Variants in KLC1 observed in about 807,000 individuals in gnomAD.
The protein encoded by KLC1 is kinesin light chain 1.
KLC1 carries 30 observed loss-of-function variants against 84.2 expected under a neutral mutation model. The ratio of observed to expected loss-of-function variants is 0.36; its 90% CI spans 0.27 to 0.48. The LOEUF is 0.48. Among genes scored for constraint, KLC1 ranks in the 20% least tolerant of loss-of-function variants. The pLI is 0.99. For synonymous variants in KLC1, 289 were observed against 293.3 expected, an observed-to-expected ratio of 0.99 and a Z score of 0.15; for missense variants, 499 against 805.4, an observed-to-expected ratio of 0.62 and a Z score of 4.60.
At chr14:103,689,969 C>G (rs987389509) in intron 14 of KLC1, among the ~76,000 whole-genome samples, 2 of 152,100 alleles carry the variant, frequency 1.3e-5, no homozygotes, top group Non-Finnish European at 2.9e-5. Context: ...CACTTGAGAT[C>G]AGGAGTTTGA....
intron 5 of KLC1, among the ~76,000 whole-genome samples, chr14:103,663,611 C>T (rs1266634539): frequency 1.3e-5 from 2 of 152,180 alleles, no homozygotes; most frequent in Non-Finnish European, 2.9e-5. Context: ...TGCGCTGTGC[C>T]TCCTTTTGGA....
chr14:103,629,932 C>T (rs2076545722), intron 1 of KLC1, among the ~76,000 whole-genome samples: 1 of 152,164 alleles, frequency 6.6e-6, no homozygotes, highest in African/African-American at 2.4e-5. Flanking sequence ...TCGCGGCGGG[C>T]GGGGAGGCCG....
In KLC1 at chr14:103,692,338, ATGTCCG is replaced by A; in HGVS notation, c.1782-14_1782-9del. 1 of 1,536,192 alleles carries A rather than the reference ATGTCCG, an allele frequency of 6.5e-7. No individual in the cohort carries two copies. Among genetic ancestry groups the A allele is most frequent in the Non-Finnish European group, 8.7e-7 (1 of 1,146,660 alleles). On this transcript the variant is annotated splice_polypyrimidine_tract_variant and intron_variant, in intron 14 of 16. Transcript: ENST00000334553. Reference sequence around the variant, plus strand: ...CGATGTGCTGATCGTTTGTCCTTGCATGTCCGTGTCCGGGTTGCAGCATGAAGCGTG... The same window carrying A: ...CGATGTGCTGATCGTTTGTCCTTGCATGTCCGGGTTGCAGCATGAAGCGTG...
chr14:103,654,375 G>A (rs1000480715), intron 1 of KLC1, among the ~76,000 whole-genome samples, 189 bp from the exon 2 acceptor site: 1 of 152,156 alleles, frequency 6.6e-6, no homozygotes, highest in African/African-American at 2.4e-5. Flanking sequence ...AACCAGAAAA[G>A]TAATTAAATG....
intron 2 of KLC1, among the ~76,000 whole-genome samples, chr14:103,655,529 C>G (rs2078766692): frequency 6.6e-6 from 1 of 150,506 alleles, no homozygotes; most frequent in Non-Finnish European, 1.5e-5. Flanking sequence ...CTTGAACTCC[C>G]AACCTCACGT....
intron 14 of KLC1, 144 bp from the exon 15 acceptor site, chr14:103,692,215 C>T: frequency 1.5e-6 from 1 of 665,966 alleles, no homozygotes; most frequent in Non-Finnish European, 2.6e-6. Flanking sequence ...ATAGGACTCC[C>T]CGGTTACCCA....
At chr14:103,701,050 C>T (rs1465558852) in intron 16 of KLC1, 151 bp from the exon 17 acceptor site, 2 of 947,648 alleles carry the variant, frequency 2.1e-6, no homozygotes, top group Non-Finnish European at 3.2e-6. Context: ...CCCCATGACC[C>T]CTCGGCCCCA....
At chr14:103,658,985 C>CT (rs1451912413) in intron 3 of KLC1, among the ~76,000 whole-genome samples, 13 of 142,546 alleles carry the variant, frequency 9.1e-5, no homozygotes, top group African/African-American at 1.6e-4. Context: ...TTTTTTTTTA[C>CT]TTTTTTTTTG....
intron 15 of KLC1, chr14:103,698,999 A>T: frequency 6.3e-7 from 1 of 1,592,882 alleles, no homozygotes; most frequent in Non-Finnish European, 8.5e-7. Flanking sequence ...GGGCTGGGGA[A>T]ACACGTTCGT....
At chr14:103,680,326 T>C (rs1008317936) in intron 13 of KLC1, among the ~76,000 whole-genome samples, 2 of 151,888 alleles carry the variant, frequency 1.3e-5, no homozygotes, top group Non-Finnish European at 2.9e-5. Context: ...ATTTTACTTT[T>C]GTCAGGGAGA....
At chr14:103,652,795 TTTG>T (rs1232438052) in intron 1 of KLC1, among the ~76,000 whole-genome samples, 1 of 152,078 alleles carries the variant, frequency 6.6e-6, no homozygotes, top group Non-Finnish European at 1.5e-5. Flanking sequence ...CCGGTCGGCG[TTTG>T]TTGTTTTGTT....
chr14:103,686,010 C>T, intron 13 of KLC1: 2 of 1,087,162 alleles, frequency 1.8e-6, no homozygotes, highest in Non-Finnish European at 2.2e-6. Context: ...CGTAACTAAG[C>T]CTTACAGCAA....
chr14:103,658,454 T>TTTA (rs1181178814), intron 3 of KLC1, among the ~76,000 whole-genome samples: 1 of 132,654 alleles, frequency 7.5e-6, no homozygotes, highest in Non-Finnish European at 1.6e-5. Flanking sequence ...TTTTTTTTTT[T>TTTA]AGTAGAGATG....
intron 1 of KLC1, among the ~76,000 whole-genome samples, chr14:103,641,822 A>T (rs1277952942): frequency 1.3e-5 from 2 of 152,120 alleles, no homozygotes; most frequent in Non-Finnish European, 2.9e-5. Flanking sequence ...GGGTTTTACC[A>T]TGTTGCCCAG....
chr14:103,690,968 C>T lies in KLC1; in HGVS notation c.1782-1391C>T, dbSNP rs988245451. Among the ~76,000 whole-genome samples the T allele has an allele frequency of 4.6e-5, 7 of 152,000 alleles. No individual in the cohort carries two copies. The East Asian group carries it at 1.2e-3, about 25-fold the overall frequency. ...ATTTTACTAACAATAAAGTTGATTT[C>T]CCAGCTTTTAATATAGAAAGATAAA... On this transcript the variant is annotated intron_variant, in intron 14 of 16. Transcript: ENST00000334553.
intron 11 of KLC1, among the ~76,000 whole-genome samples, 173 bp downstream of exon 11, chr14:103,675,929 T>C (rs1022190225): frequency 6.6e-6 from 1 of 152,238 alleles, no homozygotes; most frequent in African/African-American, 2.4e-5. Context: ...TGAGATCACT[T>C]ACATGTATAA....
Position 103,699,345 on chromosome 14 carries a change from A to C in KLC1, c.1849-1310A>C, listed in dbSNP as rs3212112. On this transcript the variant is annotated intron_variant, in intron 15 of 16. Transcript: ENST00000334553. Reference sequence around the variant, plus strand: ...CTAAAAATACGAGCTCAGGGGTGCAACCCTGCCTTGGTGCTCACCTGGTTG... The same window carrying C: ...CTAAAAATACGAGCTCAGGGGTGCACCCCTGCCTTGGTGCTCACCTGGTTG... The C allele has an allele frequency of 4.8e-3, 7,623 of 1,585,862 alleles. 236 individuals carry two copies. The African/African-American group carries it at 0.073, about 15-fold the overall frequency.
At chr14:103,655,874 G>T (rs1469521082) in intron 2 of KLC1, among the ~76,000 whole-genome samples, 1 of 152,194 alleles carries the variant, frequency 6.6e-6, no homozygotes, top group Non-Finnish European at 1.5e-5. Context: ...ATCCAAAATA[G>T]TGGATACTGC....
At chr14:103,637,403 A>C (rs917533977) in intron 1 of KLC1, among the ~76,000 whole-genome samples, 1 of 151,614 alleles carries the variant, frequency 6.6e-6, no homozygotes, top group Non-Finnish European at 1.5e-5. Flanking sequence ...GGTGGTGTGC[A>C]CCTGTAGTCC....
Sources: allele counts gnomAD v4.1 joint callset (sites outside exome capture counted in the v4.1 genomes callset), GRCh38; gene constraint gnomAD v4.1.1; transcripts MANE v1.5; gene names NCBI Gene and HGNC (gene_info 2026-07-23, HGNC 2026-07-21).